Variants in LRRC72 observed in about 807,000 individuals in gnomAD.
LRRC72 encodes the protein leucine rich repeat containing 72, also known as leucine-rich repeat-containing protein 72.
A neutral mutation model predicts 35.8 loss-of-function variants in LRRC72; 41 were observed. The observed-to-expected ratio is 1.15, with a 90% confidence interval of 0.89 to 1.49. The LOEUF is 1.49. Ranked by LOEUF, LRRC72 falls within the 40% of genes most tolerant of loss-of-function variation. LRRC72 has a pLI of 0.00. For synonymous variants in LRRC72, 118 were observed against 119.2 expected, an observed-to-expected ratio of 0.99 and a Z score of 0.07; for missense variants, 389 against 330.7, an observed-to-expected ratio of 1.18 and a Z score of -1.37.
At chr7:16,537,794 C>G (rs1457185135) in intron 3 of LRRC72, 98 bp downstream of exon 3, 2 of 729,210 alleles carry the variant, frequency 2.7e-6, no homozygotes, top group Non-Finnish European at 4.3e-6. Flanking sequence ...AAAATTTTTG[C>G]TTAAAATTTA....
At chr7:16,547,043 A>G (rs1782455184) in intron 3 of LRRC72, among the ~76,000 whole-genome samples, 1 of 152,054 alleles carries the variant, frequency 6.6e-6, no homozygotes, top group Non-Finnish European at 1.5e-5. Context: ...AAGGCAGCCA[A>G]CTGCACCACC....
chr7:16,527,414 C>T (rs1405367489), intron 1 of LRRC72, among the ~76,000 whole-genome samples: 3 of 151,940 alleles, frequency 2.0e-5, no homozygotes, highest in Non-Finnish European at 2.9e-5. Flanking sequence ...TTAAGTGAAA[C>T]GGAGATTAAG....
intron 3 of LRRC72, among the ~76,000 whole-genome samples, chr7:16,549,176 T>G (rs1342470225): frequency 2.6e-5 from 4 of 152,312 alleles, no homozygotes; most frequent in Non-Finnish European, 5.9e-5. Context: ...TTGATAATAT[T>G]TTGTTTCGTA....
At chr7:16,574,208 A>G (rs1302775392) in intron 7 of LRRC72, among the ~76,000 whole-genome samples, 3 of 152,236 alleles carry the variant, frequency 2.0e-5, no homozygotes, top group African/African-American at 7.2e-5. Context: ...GGGGCAGTGT[A>G]AATTAGTTCA....
chr7:16,528,477 C>T (rs962568965), intron 1 of LRRC72, among the ~76,000 whole-genome samples: 2 of 152,112 alleles, frequency 1.3e-5, no homozygotes, highest in African/African-American at 4.8e-5. Context: ...GTCATCACAT[C>T]ATCATCATCA....
chr7:16,536,275 G>A (rs1782255825), intron 2 of LRRC72, among the ~76,000 whole-genome samples: 1 of 151,942 alleles, frequency 6.6e-6, no homozygotes, highest in South Asian at 2.1e-4. Context: ...ATGTTAATGG[G>A]ATACAGGATT....
intron 7 of LRRC72, among the ~76,000 whole-genome samples, chr7:16,574,676 A>G (rs540099330): frequency 5.1e-4 from 78 of 152,236 alleles, no homozygotes; most frequent in African/African-American, 1.8e-3. Context: ...GAGGGATAGC[A>G]TTAGGAGAAA....
intron 7 of LRRC72, among the ~76,000 whole-genome samples, chr7:16,570,877 G>C: frequency 6.6e-6 from 1 of 151,916 alleles, no homozygotes. Context: ...GGTTTCTACA[G>C]TGCTTTTTCA....
chr7:16,538,535 AG>A (rs1782303179), intron 3 of LRRC72, among the ~76,000 whole-genome samples: 1 of 152,130 alleles, frequency 6.6e-6, no homozygotes, highest in Non-Finnish European at 1.5e-5. Flanking sequence ...ACAGTGCCCC[AG>A]GTCAACGTAC....
At chr7:16,552,368 G>A (rs957448231) in intron 3 of LRRC72, among the ~76,000 whole-genome samples, 7 of 149,694 alleles carry the variant, frequency 4.7e-5, no homozygotes, top group South Asian at 2.2e-4. Context: ...TCTGGAACAC[G>A]CAGAAATGGG....
intron 1 of LRRC72, among the ~76,000 whole-genome samples, chr7:16,527,714 T>C (rs934775182): frequency 6.6e-6 from 1 of 152,154 alleles, no homozygotes; most frequent in African/African-American, 2.4e-5. Flanking sequence ...GCTGCTGTGA[T>C]TAAACGAGGC....
chr7:16,575,453 C>A (rs1395223212), intron 7 of LRRC72, among the ~76,000 whole-genome samples: 2 of 152,148 alleles, frequency 1.3e-5, no homozygotes, highest in Non-Finnish European at 2.9e-5. Context: ...AGTCAGAGAT[C>A]AACCAATAGA....
chr7:16,551,527 G>A (rs950838114), intron 3 of LRRC72, among the ~76,000 whole-genome samples: 8 of 152,134 alleles, frequency 5.3e-5, no homozygotes, highest in African/African-American at 1.9e-4. Flanking sequence ...ACTTCTGGGA[G>A]GGGAGAGGGC....
chr7:16,550,117 G>A lies in LRRC72; in HGVS notation c.235-7243G>A, dbSNP rs557153919. Among the ~76,000 whole-genome samples the A allele has an allele frequency of 8.5e-5, 13 of 152,200 alleles. No individual in the cohort carries two copies. The East Asian group carries it at 1.9e-3, about 23-fold the overall frequency. On this transcript the variant is annotated intron_variant, in intron 3 of 8. Coordinates refer to ENST00000401542, the MANE Select transcript of LRRC72 (RefSeq NM_001195280.2). ...GCCTGTAGTCCCAGCTACTTGGGAT[G>A]CTGAGGTGGGAGGATGCTTGAGCCT...
At chr7:16,546,416 T>C (rs946021021) in intron 3 of LRRC72, among the ~76,000 whole-genome samples, 1 of 152,130 alleles carries the variant, frequency 6.6e-6, no homozygotes, top group African/African-American at 2.4e-5. Flanking sequence ...TACCCATTAA[T>C]GCCAGGAGAT....
intron 3 of LRRC72, among the ~76,000 whole-genome samples, chr7:16,552,446 A>G (rs1782569243): frequency 6.6e-6 from 1 of 152,218 alleles, no homozygotes; most frequent in South Asian, 2.1e-4. Context: ...GCCAAGGTTA[A>G]GAAGATGCCA....
At chr7:16,575,159 C>CTG (rs1783017810) in intron 7 of LRRC72, among the ~76,000 whole-genome samples, 1 of 152,048 alleles carries the variant, frequency 6.6e-6, no homozygotes, top group Admixed American at 6.6e-5. Context: ...AGGGAGCAGG[C>CTG]TGTGACCCAA....
chr7:16,557,060 C>A (rs6968649), intron 3 of LRRC72, among the ~76,000 whole-genome samples: 1 of 151,790 alleles, frequency 6.6e-6, no homozygotes, highest in Non-Finnish European at 1.5e-5. Context: ...ATATTGTCAG[C>A]GCAAAAGGGC....
intron 5 of LRRC72, among the ~76,000 whole-genome samples, chr7:16,565,864 G>A (rs1390479263): frequency 3.3e-5 from 5 of 152,196 alleles, no homozygotes; most frequent in Admixed American, 6.5e-5. Context: ...TATTAGAGCC[G>A]GGTGTTGTGT....
Sources: allele counts gnomAD v4.1 joint callset (sites outside exome capture counted in the v4.1 genomes callset), GRCh38; gene constraint gnomAD v4.1.1; transcripts MANE v1.5; gene names NCBI Gene and HGNC (gene_info 2026-07-23, HGNC 2026-07-21).